SAMD12: variants seen among roughly 807,000 people sequenced by gnomAD.
SAMD12 encodes sterile alpha motif domain-containing protein 12.
A neutral mutation model predicts 15.0 loss-of-function variants in SAMD12; 9 were observed. That is an observed-to-expected ratio of 0.60 (90% CI 0.36 to 1.05). The LOEUF is 1.05. Among genes scored for constraint, SAMD12 ranks in the 50% least tolerant of loss-of-function variants. The pLI, the probability that SAMD12 is intolerant of heterozygous loss-of-function variation, is 0.01. For synonymous variants in SAMD12, 86 were observed against 90.1 expected (o/e 0.96, Z 0.25); for missense variants, 230 against 234.2 (o/e 0.98, Z 0.12).
intron 3 of SAMD12, among the ~76,000 whole-genome samples, chr8:118,387,340 G>A (rs2130739938): frequency 6.6e-6 from 1 of 152,298 alleles, no homozygotes; most frequent in South Asian, 2.1e-4. Context: ...GAATGACCAT[G>A]AGAGTCAAAT....
chr8:118,399,051 T>A (rs916600006), intron 3 of SAMD12, among the ~76,000 whole-genome samples: 1 of 152,074 alleles, frequency 6.6e-6, no homozygotes, highest in Non-Finnish European at 1.5e-5. Context: ...ACCTGCTAAT[T>A]TTTAAAGTTT....
intron 2 of SAMD12, among the ~76,000 whole-genome samples, chr8:118,538,959 G>T (rs1243530696): frequency 6.6e-6 from 1 of 152,098 alleles, no homozygotes; most frequent in Non-Finnish European, 1.5e-5. Flanking sequence ...ACTCAGAAAG[G>T]TTAGGAAATT....
At chr8:118,620,992 A>C (rs1393626535) in intron 1 of SAMD12, 1 of 152,086 alleles carries the variant, frequency 6.6e-6, no homozygotes, top group Non-Finnish European at 1.5e-5. Flanking sequence ...GAAACTACCT[A>C]AACAAGGAAG....
chr8:118,487,088 A>G (rs1824311959), intron 2 of SAMD12, among the ~76,000 whole-genome samples: 1 of 152,186 alleles, frequency 6.6e-6, no homozygotes, highest in African/African-American at 2.4e-5. Flanking sequence ...AGACGGGTGC[A>G]GAGTGGCTCT....
chr8:118,611,321 A>T (rs1281169673), intron 1 of SAMD12, among the ~76,000 whole-genome samples: 1 of 152,198 alleles, frequency 6.6e-6, no homozygotes, highest in South Asian at 2.1e-4. Context: ...CAGAAAAAAA[A>T]TGCTCAGTAA....
At chr8:118,189,703 T>C (rs983508789) in exon 5 of SAMD12, 4 of 151,958 alleles carry the variant, frequency 2.6e-5, no homozygotes, top group Non-Finnish European at 4.4e-5. Flanking sequence ...CATAAGAATA[T>C]ACAAAGGAGA....
chr8:118,605,450 T>A (rs1239559334), intron 1 of SAMD12, among the ~76,000 whole-genome samples: 1 of 152,240 alleles, frequency 6.6e-6, no homozygotes, highest in African/African-American at 2.4e-5. Flanking sequence ...GAAATGTTAA[T>A]AATCCTTGGG....
intron 4 of SAMD12, chr8:118,282,451 C>G: frequency 4.8e-6 from 2 of 417,442 alleles, no homozygotes; most frequent in South Asian, 3.4e-5. Flanking sequence ...TGTGTAAACC[C>G]TACCTTCTGG....
At chr8:118,550,511 A>G (rs1024305730) in intron 2 of SAMD12, among the ~76,000 whole-genome samples, 6 of 152,204 alleles carry the variant, frequency 3.9e-5, no homozygotes, top group African/African-American at 1.4e-4. Flanking sequence ...CCTGCCCTAA[A>G]AGAGCTCCTG....
At chr8:118,337,915 A>C (rs528643364) in intron 4 of SAMD12, among the ~76,000 whole-genome samples, 1 of 152,236 alleles carries the variant, frequency 6.6e-6, no homozygotes, top group Non-Finnish European at 1.5e-5. Context: ...GTAAGAACAA[A>C]TCTTCTATCC....
intron 4 of SAMD12, among the ~76,000 whole-genome samples, chr8:118,280,288 C>T (rs1370361361): frequency 6.6e-6 from 1 of 152,122 alleles, no homozygotes; most frequent in Admixed American, 6.5e-5. Context: ...ACAGTAAATA[C>T]AAAATATTCC....
intron 4 of SAMD12, among the ~76,000 whole-genome samples, chr8:118,209,287 G>A (rs1440363514): frequency 6.6e-6 from 1 of 152,186 alleles, no homozygotes; most frequent in Non-Finnish European, 1.5e-5. Context: ...ACTGCTGAGG[G>A]TGGTGAAAGG....
rs146244746 is a variant in SAMD12 at position 118,372,167 on chromosome 8, T to C, written c.433+7393A>G. On this transcript the variant is annotated intron_variant, in intron 4 of 4. Coordinates refer to the SAMD12 transcript ENST00000409003. ...TTCTTCACATATGCATAAAAAGGAA[T>C]CTGACTGGCTCATGTTTTCTTTCTC... Among the ~76,000 whole-genome samples the C allele has an allele frequency of 2.6e-5, 4 of 152,292 alleles. No individual in the cohort carries two copies. In the East Asian group the frequency reaches 7.7e-4, roughly 29 times the overall value.
At chr8:118,588,936 T>C (rs1439381398) in intron 1 of SAMD12, among the ~76,000 whole-genome samples, 1 of 152,186 alleles carries the variant, frequency 6.6e-6, no homozygotes, top group Non-Finnish European at 1.5e-5. Context: ...AAATGTGATA[T>C]TACATATACT....
intron 3 of SAMD12, among the ~76,000 whole-genome samples, chr8:118,420,857 G>T (rs1478634309): frequency 6.6e-6 from 1 of 152,150 alleles, no homozygotes; most frequent in African/African-American, 2.4e-5. Flanking sequence ...TAGAATAGGG[G>T]TTGGCAAACT....
At chr8:118,610,643 CAACA>C in intron 1 of SAMD12, among the ~76,000 whole-genome samples, 1 of 152,272 alleles carries the variant, frequency 6.6e-6, no homozygotes, top group East Asian at 1.9e-4. Context: ...TGTGTTTACT[CAACA>C]AATAGTCGAG....
chr8:118,269,634 A>G (rs1813296934), intron 4 of SAMD12, among the ~76,000 whole-genome samples: 1 of 152,108 alleles, frequency 6.6e-6, no homozygotes, highest in Non-Finnish European at 1.5e-5. Flanking sequence ...GTCATGCTCT[A>G]TTACAGCTGA....
At chr8:118,387,460 A>C (rs1239848651) in intron 3 of SAMD12, among the ~76,000 whole-genome samples, 1 of 110,562 alleles carries the variant, frequency 9.0e-6, no homozygotes, top group Non-Finnish European at 1.8e-5. Flanking sequence ...TCCTCCTCCT[A>C]CTCCCCTCCT....
intron 3 of SAMD12, among the ~76,000 whole-genome samples, chr8:118,429,189 A>G (rs956145590): frequency 3.9e-5 from 6 of 152,160 alleles, no homozygotes; most frequent in Non-Finnish European, 8.8e-5. Flanking sequence ...TATTTTGCGC[A>G]CTAAGTTATA....
Sources: allele counts gnomAD v4.1 joint callset (sites outside exome capture counted in the v4.1 genomes callset), GRCh38; gene constraint gnomAD v4.1.1; transcripts MANE v1.5; gene names NCBI Gene and HGNC (gene_info 2026-07-23, HGNC 2026-07-21).